PRKG1: variants seen among roughly 807,000 people sequenced by gnomAD.
The protein encoded by PRKG1 is cGMP-dependent protein kinase 1.
A neutral mutation model predicts 88.1 loss-of-function variants in PRKG1; 35 were observed. The ratio of observed to expected loss-of-function variants is 0.40; its 90% confidence interval spans 0.30 to 0.53. The LOEUF is 0.53. Among genes scored for constraint, PRKG1 ranks in the 20% least tolerant of loss-of-function variants. PRKG1 has a pLI of 0.59. For missense variants in PRKG1, 540 were observed against 839.8 expected (o/e 0.64, Z 4.41); for synonymous variants, 303 against 292.5 (o/e 1.04, Z -0.37).
At chr10:51,239,956 A>G (rs1320392040) in intron 2 of PRKG1, among the ~76,000 whole-genome samples, 1 of 152,252 alleles carries the variant, frequency 6.6e-6, no homozygotes, top group Non-Finnish European at 1.5e-5. Context: ...GCAACTTCCA[A>G]TAAATACTGG....
chr10:51,932,453 G>A (rs1842714465), intron 5 of PRKG1, among the ~76,000 whole-genome samples: 1 of 152,048 alleles, frequency 6.6e-6, no homozygotes, highest in Admixed American at 6.6e-5. Flanking sequence ...GAAGTAAGTG[G>A]TACTAAGACC....
chr10:52,239,813 T>A (rs547072301), intron 9 of PRKG1, among the ~76,000 whole-genome samples: 1 of 152,266 alleles, frequency 6.6e-6, no homozygotes, highest in East Asian at 1.9e-4. Context: ...GAAGCAATTA[T>A]TATAATAATT....
intron 4 of PRKG1, among the ~76,000 whole-genome samples, chr10:51,843,501 T>C (rs767741521): frequency 1.3e-5 from 2 of 152,168 alleles, no homozygotes; most frequent in Admixed American, 6.5e-5. Flanking sequence ...TTGTGACTGA[T>C]TGAAATAAAT....
At chr10:51,323,933 C>T (rs1340592564) in intron 2 of PRKG1, among the ~76,000 whole-genome samples, 2 of 152,084 alleles carry the variant, frequency 1.3e-5, no homozygotes, top group African/African-American at 4.8e-5. Context: ...GTCTGGGTGA[C>T]AAAGCAAGTC....
chr10:51,467,469 C>T (rs2132814336), intron 2 of PRKG1, among the ~76,000 whole-genome samples: 1 of 151,928 alleles, frequency 6.6e-6, no homozygotes, highest in Admixed American at 6.6e-5. Context: ...TTATGTTTGC[C>T]TGTTTGTCTC....
chr10:51,989,824 A>G (rs1844256206), intron 5 of PRKG1, among the ~76,000 whole-genome samples: 1 of 152,024 alleles, frequency 6.6e-6, no homozygotes, highest in Admixed American at 6.6e-5. Flanking sequence ...AATCCCATGT[A>G]TTTATTTGTG....
chr10:51,337,722 A>G (rs1841912423), intron 2 of PRKG1, among the ~76,000 whole-genome samples: 1 of 152,206 alleles, frequency 6.6e-6, no homozygotes, highest in Non-Finnish European at 1.5e-5. Flanking sequence ...GCTGGTCAGA[A>G]CAATGATTAT....
chr10:51,937,193 A>G (rs1842815813), intron 5 of PRKG1, among the ~76,000 whole-genome samples: 1 of 151,990 alleles, frequency 6.6e-6, no homozygotes, highest in Admixed American at 6.6e-5. Context: ...ATAGGACTTG[A>G]TTTACAAGTA....
At chr10:51,084,571 G>C (rs368518390) in intron 1 of PRKG1, among the ~76,000 whole-genome samples, 1 of 152,156 alleles carries the variant, frequency 6.6e-6, no homozygotes. Context: ...TCTACATAGA[G>C]GTGGAGAGAA....
intron 3 of PRKG1, 137 bp downstream of exon 3, chr10:51,467,973 T>C (rs1288911422): frequency 2.8e-6 from 2 of 721,576 alleles, no homozygotes; most frequent in East Asian, 5.6e-5. Context: ...GCAATATAGC[T>C]GATGTATTTG....
Position 51,530,367 on chromosome 10 carries a change from G to T in PRKG1, c.592+62531G>T, listed in dbSNP as rs560357320. Among the ~76,000 whole-genome samples the T allele has an allele frequency of 3.1e-3, 467 of 151,952 alleles. 5 individuals carry two copies. The highest frequency in any genetic ancestry group is 0.011 in the African/African-American group (450 of 41,436). ...CACTTCAGCTTTTCTTCATATAGCA[G>T]ATATATATATTATTAAGCAGAGAGC... On this transcript the variant is annotated intron_variant, in intron 3 of 17. Transcript: ENST00000373980.
chr10:51,896,605 A>G (rs890819610), intron 4 of PRKG1, among the ~76,000 whole-genome samples: 1 of 142,248 alleles, frequency 7.0e-6, no homozygotes, highest in African/African-American at 2.6e-5. Context: ...CTAGCTACCC[A>G]GGAGGCTAAG....
chr10:51,734,508 A>G (rs1027644515), intron 3 of PRKG1, among the ~76,000 whole-genome samples: 2 of 152,244 alleles, frequency 1.3e-5, no homozygotes, highest in Non-Finnish European at 2.9e-5. Flanking sequence ...TTTAGAAGTC[A>G]CAATGAGATC....
intron 3 of PRKG1, among the ~76,000 whole-genome samples, chr10:51,692,252 T>C (rs1419177786): frequency 2.6e-5 from 4 of 151,880 alleles, no homozygotes; most frequent in Admixed American, 2.6e-4. Context: ...AAAAATCACA[T>C]TATGAATTCA....
chr10:52,175,768 T>C (rs1483107627), intron 9 of PRKG1, among the ~76,000 whole-genome samples: 1 of 152,166 alleles, frequency 6.6e-6, no homozygotes, highest in Non-Finnish European at 1.5e-5. Context: ...TTTCTTCATA[T>C]ATTTGTTGGC....
At chr10:50,997,309 G>A (rs1199549503) in intron 1 of PRKG1, among the ~76,000 whole-genome samples, 1 of 152,108 alleles carries the variant, frequency 6.6e-6, no homozygotes, top group East Asian at 1.9e-4. Context: ...TTTTCCAAAT[G>A]TATTTCTAAT....
At chr10:51,957,832 T>C (rs1843350965) in intron 5 of PRKG1, among the ~76,000 whole-genome samples, 1 of 152,148 alleles carries the variant, frequency 6.6e-6, no homozygotes, top group African/African-American at 2.4e-5. Flanking sequence ...GTGTAGGACA[T>C]ATAGTTGTTG....
At chr10:51,731,322 T>TA (rs1338710503) in intron 3 of PRKG1, among the ~76,000 whole-genome samples, 1 of 152,106 alleles carries the variant, frequency 6.6e-6, no homozygotes, top group African/African-American at 2.4e-5. Flanking sequence ...TGAAAGTGTT[T>TA]AAAAAATGAT....
At chr10:51,374,093 A>AAATATATATATATATATAT in intron 2 of PRKG1, among the ~76,000 whole-genome samples, 30 of 100,178 alleles carry the variant, frequency 3.0e-4, no homozygotes, top group East Asian at 5.1e-4. Flanking sequence ...AAAAAAAAAA[A>AAATATATATATATATATAT]ATATATATAT....
Sources: allele counts gnomAD v4.1 joint callset (sites outside exome capture counted in the v4.1 genomes callset), GRCh38; gene constraint gnomAD v4.1.1; transcripts MANE v1.5; gene names NCBI Gene and HGNC (gene_info 2026-07-23, HGNC 2026-07-21).